TYW1: variants seen among roughly 807,000 people sequenced by gnomAD.
The protein encoded by TYW1 is tRNA-yW synthesizing protein 1 homolog.
A neutral mutation model predicts 96.2 loss-of-function variants in TYW1; 46 were observed. The observed-to-expected ratio is 0.48, with a 90% CI of 0.38 to 0.61. TYW1 has a LOEUF of 0.61. TYW1 is among the 20% of genes least tolerant of loss of function. The pLI, the probability that TYW1 is intolerant of heterozygous loss-of-function variation, is 0.00. For synonymous variants in TYW1, 274 were observed against 323.0 expected, an observed-to-expected ratio of 0.85 and a Z score of 1.63; for missense variants, 684 against 909.6, an observed-to-expected ratio of 0.75 and a Z score of 3.19.
At chr7:67,018,994 C>A (rs922894578) in intron 6 of TYW1, among the ~76,000 whole-genome samples, 1 of 151,808 alleles carries the variant, frequency 6.6e-6, no homozygotes, top group Non-Finnish European at 1.5e-5. Context: ...AAATACTGGG[C>A]CTCCCAAAAT....
chr7:67,034,556 C>T (rs906105059), intron 7 of TYW1, among the ~76,000 whole-genome samples: 5 of 151,944 alleles, frequency 3.3e-5, no homozygotes, highest in Non-Finnish European at 5.9e-5. Flanking sequence ...TTTATAAACA[C>T]ATTTGTTTTG....
intron 15 of TYW1, 23 bp from the exon 16 acceptor site, chr7:67,238,285 T>G (rs1033476748): frequency 6.3e-7 from 1 of 1,593,336 alleles, no homozygotes; most frequent in Non-Finnish European, 8.6e-7. Context: ...TACTTCTGAC[T>G]TGACACATTT....
intron 13 of TYW1, among the ~76,000 whole-genome samples, chr7:67,167,468 CAAAAAAAAAAA>C (rs869281504): frequency 1.6e-4 from 13 of 78,822 alleles, no homozygotes; most frequent in East Asian, 1.2e-3. Flanking sequence ...GACTCTGTCT[CAAAAAAAAAAA>C]AAAAAAAAAA....
At chr7:67,042,593 G>A (rs1317469360) in intron 7 of TYW1, among the ~76,000 whole-genome samples, 1 of 152,196 alleles carries the variant, frequency 6.6e-6, no homozygotes, top group Non-Finnish European at 1.5e-5. Context: ...AAGTCCTGCA[G>A]TGGAGGGGGC....
At chr7:67,037,486 A>G (rs1055371063) in intron 7 of TYW1, among the ~76,000 whole-genome samples, 10 of 150,660 alleles carry the variant, frequency 6.6e-5, no homozygotes, top group African/African-American at 2.5e-4. Flanking sequence ...CCTGGGCAAC[A>G]AGAGCGAAAC....
chr7:67,124,652 T>C (rs1425690093), intron 13 of TYW1, among the ~76,000 whole-genome samples: 1 of 152,176 alleles, frequency 6.6e-6, no homozygotes, highest in African/African-American at 2.4e-5. Flanking sequence ...TTTAACTTTA[T>C]ATAAATGAAA....
At chr7:67,196,901 G>A (rs1335092331) in intron 15 of TYW1, among the ~76,000 whole-genome samples, 1 of 152,108 alleles carries the variant, frequency 6.6e-6, no homozygotes, top group South Asian at 2.1e-4. Context: ...TGTGCAGCAA[G>A]GGACACAGTG....
At chr7:67,078,919 C>T (rs1443678623) in intron 10 of TYW1, among the ~76,000 whole-genome samples, 2 of 152,136 alleles carry the variant, frequency 1.3e-5, no homozygotes, top group African/African-American at 2.4e-5. Context: ...TGGTCTCGAT[C>T]TCCTGAATTC....
At position 67,054,384 on chromosome 7, in the gene TYW1, G is replaced by GTA. The variant is rs908704113; in HGVS notation, c.1103-1448_1103-1447dup. On this transcript the variant is annotated intron_variant, in intron 8 of 15. Transcript: ENST00000359626. ...GATGATTTCTATGATAGTATGAACA[G>GTA]TATAATATGGAATTCCAAGAGAAGA... Among the ~76,000 whole-genome samples, 32 of 152,330 alleles carry GTA rather than the reference G, an allele frequency of 2.1e-4. 1 individual carries two copies. The highest frequency in any genetic ancestry group is 7.7e-4 in the African/African-American group (32 of 41,584).
intron 13 of TYW1, among the ~76,000 whole-genome samples, chr7:67,172,842 G>A (rs1359733168): frequency 2.6e-5 from 4 of 151,984 alleles, no homozygotes; most frequent in African/African-American, 9.7e-5. Context: ...CAAACAAGCT[G>A]GATGTGGTGG....
intron 13 of TYW1, among the ~76,000 whole-genome samples, chr7:67,173,513 CACA>C (rs1799576412): frequency 6.6e-6 from 1 of 152,190 alleles, no homozygotes; most frequent in Admixed American, 6.5e-5. Context: ...TCAAGTGGCA[CACA>C]ACATCTGGTT....
At chr7:67,109,922 G>A (rs1029698574) in intron 12 of TYW1, among the ~76,000 whole-genome samples, 1 of 152,138 alleles carries the variant, frequency 6.6e-6, no homozygotes, top group Admixed American at 6.6e-5. Flanking sequence ...CAACCACAGT[G>A]AAAACCAGCA....
chr7:67,023,451 A>G (rs1192021759), intron 6 of TYW1, among the ~76,000 whole-genome samples: 14 of 152,084 alleles, frequency 9.2e-5, no homozygotes, highest in Non-Finnish European at 1.8e-4. Context: ...TGTTGAAAAC[A>G]AAGAACTACT....
intron 14 of TYW1, among the ~76,000 whole-genome samples, chr7:67,194,685 G>T (rs1424164018): frequency 4.2e-4 from 63 of 150,832 alleles, no homozygotes; most frequent in African/African-American, 1.4e-3. Flanking sequence ...GAAAAAGTTT[G>T]CCAGTTTCAA....
intron 7 of TYW1, among the ~76,000 whole-genome samples, chr7:67,032,395 G>T (rs1794698615): frequency 6.6e-6 from 1 of 152,208 alleles, no homozygotes; most frequent in Admixed American, 6.5e-5. Flanking sequence ...GAGACGGATG[G>T]ATCACTTAAG....
chr7:67,155,062 G>C (rs1457777048), intron 13 of TYW1, among the ~76,000 whole-genome samples: 1 of 151,950 alleles, frequency 6.6e-6, no homozygotes, highest in Non-Finnish European at 1.5e-5. Flanking sequence ...TTGTATTGTT[G>C]ATCTGTGTTA....
chr7:67,223,992 A>G (rs1563079026), intron 15 of TYW1, among the ~76,000 whole-genome samples: 1 of 151,906 alleles, frequency 6.6e-6, no homozygotes, highest in Non-Finnish European at 1.5e-5. Flanking sequence ...AGAATCCTCT[A>G]CCTGGATATT....
intron 15 of TYW1, among the ~76,000 whole-genome samples, chr7:67,216,537 A>T (rs1377989766): frequency 1.4e-5 from 2 of 145,794 alleles, no homozygotes; most frequent in South Asian, 2.2e-4. Flanking sequence ...CAGCATTTGG[A>T]ATTTTTGCTT....
At position 67,218,324 on chromosome 7, in the gene TYW1, T is replaced by C. The variant is rs572232410; in HGVS notation, c.1978-19984T>C. Among the ~76,000 whole-genome samples the C allele has an allele frequency of 2.0e-5, 3 of 151,864 alleles. No homozygotes were observed. The South Asian group carries it at 6.2e-4, about 32-fold the overall frequency. ...AAGTATTTTATTATTTTTGATGCTA[T>C]TGTATTTTTAATTTTGTTTTATTTA... On this transcript the variant is annotated intron_variant, in intron 15 of 15. Transcript: ENST00000359626.
Sources: gnomAD v4.1 joint callset for allele counts (sites outside exome capture counted in the v4.1 genomes callset) on GRCh38, gnomAD v4.1.1 for gene constraint, MANE v1.5 for transcripts, NCBI Gene and HGNC (gene_info 2026-07-23, HGNC 2026-07-21) for gene names.